STRN3: variants seen among roughly 807,000 people sequenced by gnomAD.
STRN3 encodes striatin 3.
STRN3 carries 29 observed loss-of-function variants against 95.6 expected under a neutral mutation model. That is an observed-to-expected ratio of 0.30 (90% CI 0.23 to 0.41). The LOEUF (loss-of-function observed/expected upper bound fraction) is 0.41. Ranked by LOEUF, STRN3 falls within the 10% of genes least tolerant of loss-of-function variation. The pLI, the probability that STRN3 is intolerant of heterozygous loss-of-function variation, is 1.00. For synonymous variants in STRN3, 331 were observed against 357.6 expected, an observed-to-expected ratio of 0.93 and a Z score of 0.84; for missense variants, 890 against 972.1, an observed-to-expected ratio of 0.92 and a Z score of 1.12.
intron 1 of STRN3, among the ~76,000 whole-genome samples, chr14:31,014,989 G>A (rs545317792): frequency 2.0e-5 from 3 of 151,966 alleles, no homozygotes; most frequent in Admixed American, 2.0e-4. Context: ...CACCATGCCC[G>A]GCTAATTTTT....
intron 1 of STRN3, among the ~76,000 whole-genome samples, chr14:30,958,423 G>C (rs908630265): frequency 3.9e-5 from 6 of 152,182 alleles, no homozygotes; most frequent in African/African-American, 1.4e-4. Flanking sequence ...GAACCTAATA[G>C]TCTATGATCC....
At chr14:30,956,290 A>C (rs746771443) in intron 1 of STRN3, 48 bp from the exon 2 acceptor site, 4 of 1,537,896 alleles carry the variant, frequency 2.6e-6, no homozygotes, top group Non-Finnish European at 3.6e-6. Flanking sequence ...TTAACCATAC[A>C]TAGGAAACTG....
chr14:30,991,709 G>T (rs546438603), intron 1 of STRN3, among the ~76,000 whole-genome samples: 237 of 152,198 alleles, frequency 1.6e-3, no homozygotes, highest in African/African-American at 5.0e-3. Context: ...GTTTGGGGGT[G>T]AGGGTGAGAG....
intron 8 of STRN3, among the ~76,000 whole-genome samples, chr14:30,920,746 ATAC>A (rs56973744): frequency 0.065 from 9,909 of 152,166 alleles, 496 homozygotes; most frequent in East Asian, 0.21. Flanking sequence ...TCACATTTAT[ATAC>A]TACAACTAAA....
intron 1 of STRN3, among the ~76,000 whole-genome samples, chr14:31,002,918 A>T (rs1016353481): frequency 1.3e-5 from 2 of 152,136 alleles, no homozygotes; most frequent in African/African-American, 4.8e-5. Flanking sequence ...GATGGTAGTA[A>T]AGGTTGCACA....
rs796749936 is a variant in STRN3 at position 30,942,771 on chromosome 14, A to C, written c.716+4319T>G. On this transcript the variant is annotated intron_variant, in intron 5 of 17. Coordinates refer to ENST00000357479, the MANE Select transcript of STRN3 (RefSeq NM_001083893.2). ...CCACTCACTCGATAGCATCTAATAA[A>C]CACTAGTCTTGGTGGGGGTCACATT... Among the ~76,000 whole-genome samples the C allele has an allele frequency of 3.3e-5, 5 of 152,326 alleles. 1 individual carries two copies. Among genetic ancestry groups the C allele is most frequent in the African/African-American group, 1.2e-4 (5 of 41,590 alleles).
intron 7 of STRN3, among the ~76,000 whole-genome samples, chr14:30,929,954 C>CAAAAAAAAAAAAACAAAAAAAAAA (rs1878404403): frequency 2.5e-5 from 1 of 39,996 alleles, no homozygotes; most frequent in African/African-American, 1.2e-4. Flanking sequence ...CTAAGATTAG[C>CAAAAAAAAAAAAACAAAAAAAAAA]AAAAAAAAAA....
At chr14:30,904,859 T>C (rs1012309602) in intron 15 of STRN3, among the ~76,000 whole-genome samples, 3 of 151,542 alleles carry the variant, frequency 2.0e-5, no homozygotes, top group Non-Finnish European at 2.9e-5. Flanking sequence ...ACAGGAGAAC[T>C]GTGAATAGAA....
chr14:31,015,755 T>C (rs1375787668), intron 1 of STRN3, among the ~76,000 whole-genome samples: 1 of 152,198 alleles, frequency 6.6e-6, no homozygotes, highest in Non-Finnish European at 1.5e-5. Context: ...GGAAAGCAGC[T>C]GCCAAGACAT....
intron 1 of STRN3, chr14:31,018,803 C>G: frequency 2.2e-6 from 1 of 450,780 alleles, no homozygotes; most frequent in South Asian, 1.7e-5. Flanking sequence ...CTTCAGAACT[C>G]AGTAACTTCA....
intron 1 of STRN3, among the ~76,000 whole-genome samples, chr14:30,998,650 T>A (rs758810338): frequency 8.5e-5 from 13 of 152,246 alleles, no homozygotes; most frequent in Non-Finnish European, 1.6e-4. Context: ...AAATCTCTGC[T>A]CATTCAATAG....
intron 1 of STRN3, among the ~76,000 whole-genome samples, chr14:30,991,076 T>C (rs529023044): frequency 6.6e-6 from 1 of 152,332 alleles, no homozygotes; most frequent in East Asian, 1.9e-4. Flanking sequence ...GTCTAATCAT[T>C]AGCTGCTTCA....
At chr14:31,013,426 T>C (rs544442955) in intron 1 of STRN3, among the ~76,000 whole-genome samples, 11 of 151,710 alleles carry the variant, frequency 7.3e-5, no homozygotes, top group African/African-American at 2.2e-4. Flanking sequence ...GTTTGCCACA[T>C]TGTACCAGAA....
In STRN3 at chr14:30,913,674, C is replaced by T. The variant is rs768505679; in HGVS notation, c.1241-17G>A. On this transcript the variant is annotated splice_polypyrimidine_tract_variant and intron_variant, in intron 9 of 17. Coordinates refer to ENST00000357479, the MANE Select transcript of STRN3 (RefSeq NM_001083893.2). ...TTGGTTCAGCTATAAAGAACAAAAC[C>T]GCTTCTTAAATGCTGAAAAATCATA... 2.5e-6 allele frequency: 4 copies of T among 1,611,386 alleles called. No individual in the cohort carries two copies. Among genetic ancestry groups the T allele is most frequent in the Admixed American group, 1.7e-5 (1 of 59,784 alleles).
At chr14:30,973,592 A>C (rs1880944559) in intron 1 of STRN3, among the ~76,000 whole-genome samples, 1 of 152,218 alleles carries the variant, frequency 6.6e-6, no homozygotes, top group African/African-American at 2.4e-5. Flanking sequence ...AAAAATCTGA[A>C]GAGAAGGGAA....
intron 1 of STRN3, among the ~76,000 whole-genome samples, chr14:30,985,591 G>A (rs971030338): frequency 8.5e-5 from 7 of 82,388 alleles, no homozygotes; most frequent in African/African-American, 1.5e-4. Context: ...CAACGAGAGC[G>A]AAACTCCATC....
intron 1 of STRN3, among the ~76,000 whole-genome samples, chr14:30,965,768 CAAAAAA>C (rs57644568): frequency 2.9e-5 from 3 of 103,788 alleles, no homozygotes; most frequent in Admixed American, 2.1e-4. Flanking sequence ...AACTCCATCT[CAAAAAA>C]AAAAAAAAAA....
At chr14:30,916,283 G>GT (rs34133957) in intron 9 of STRN3, among the ~76,000 whole-genome samples, 29,884 of 142,242 alleles carry the variant, frequency 0.21, 3,444 homozygotes, top group Middle Eastern at 0.32. Context: ...AGTTTTTTTG[G>GT]TTTTTTTTTT....
At chr14:30,895,796 C>T (rs1896128703) in intron 16 of STRN3, 48 bp from the exon 17 acceptor site, 1 of 1,502,488 alleles carries the variant, frequency 6.7e-7, no homozygotes, top group Non-Finnish European at 9.1e-7. Context: ...CAAATACTAA[C>T]TCGAGACAAC....
Sources: gnomAD v4.1 joint callset for allele counts (sites outside exome capture counted in the v4.1 genomes callset) on GRCh38, gnomAD v4.1.1 for gene constraint, MANE v1.5 for transcripts, NCBI Gene and HGNC (gene_info 2026-07-23, HGNC 2026-07-21) for gene names.